The following SOWAHC variants were observed in gnomAD, a reference collection of about 807,000 sequenced individuals.
SOWAHC encodes the protein sosondowah ankyrin repeat domain family member C.
SOWAHC carries 12 observed loss-of-function variants against 14.4 expected under a neutral mutation model. The observed-to-expected ratio is 0.83, with a 90% CI of 0.53 to 1.35. The LOEUF is 1.35. Ranked by LOEUF, SOWAHC falls within the 40% of genes most tolerant of loss-of-function variation. The pLI is 0.00. For synonymous variants in SOWAHC, 398 were observed against 347.0 expected (o/e 1.15, Z -1.63); for missense variants, 771 against 752.8 (o/e 1.02, Z -0.28).
chr2:109,615,043 A>T lies in SOWAHC; in HGVS notation c.554A>T (p.Glu185Val). The T allele has an allele frequency of 6.5e-7, 1 of 1,548,434 alleles. No individual in the cohort carries two copies. The highest frequency in any genetic ancestry group is 8.7e-7 in the Non-Finnish European group (1 of 1,146,610). ...DLELPPHGCE[E>V]ADRGSSLVGA... ...GAGCTCCCGCCACATGGCTGCGAGGAGGCGGACAGGGGCAGCTCCCTTGTG... is the reference window on the plus strand; with the variant it reads ...GAGCTCCCGCCACATGGCTGCGAGGTGGCGGACAGGGGCAGCTCCCTTGTG... Residue 185 changes from glutamate to valine, a missense_variant, in exon 1 of 1, where the codon GAG (glutamate) becomes GTG (valine). Coordinates refer to ENST00000356454, the MANE Select transcript of SOWAHC (RefSeq NM_023016.4).
chr2:109,614,515 C>T lies in SOWAHC; in HGVS notation c.26C>T (p.Pro9Leu), dbSNP rs1699995569. 3 of 1,260,968 alleles carry T rather than the reference C, an allele frequency of 2.4e-6. No homozygotes were observed. Among genetic ancestry groups the T allele is most frequent in the Non-Finnish European group, 3.0e-6 (3 of 1,009,302 alleles). The allele number at this position is 1,260,968 out of a possible 1,614,324, so 78.1% of individuals were successfully genotyped here. MEGPAEWG[P>L]EAALGPEAVL... ...ATGGAGGGGCCGGCAGAGTGGGGCCCCGAGGCGGCGCTGGGCCCCGAGGCG... is the reference window on the plus strand; with the variant it reads ...ATGGAGGGGCCGGCAGAGTGGGGCCTCGAGGCGGCGCTGGGCCCCGAGGCG... Residue 9 changes from proline (P) to leucine (L), a missense_variant, in exon 1 of 1, where the codon CCC becomes CTC. Pro to Leu is a moderately conservative substitution (Grantham distance 98). Transcript: ENST00000356454.
At position 109,618,658 on chromosome 2, in the gene SOWAHC, A is replaced by G. The variant is rs1490566850; in HGVS notation, c.*2591A>G. Reference sequence around the variant, plus strand: ...AAAAGCAAATGATTGATATAATTTGATATTCATAGAGTTGTGCCTACCTTT... The same window carrying G: ...AAAAGCAAATGATTGATATAATTTGGTATTCATAGAGTTGTGCCTACCTTT... On this transcript the variant is annotated 3_prime_UTR_variant, in exon 1 of 1. Transcript: ENST00000356454. 2 of 166,894 alleles carry G rather than the reference A, an allele frequency of 1.2e-5. No individual in the cohort carries two copies. Among genetic ancestry groups the G allele is most frequent in the Non-Finnish European group, 1.5e-5 (1 of 68,092 alleles). 10.3% of individuals were successfully genotyped at this position (166,894 alleles called of 1,614,324 possible).
rs1367782893 is a variant in SOWAHC, at chr2:109,615,269, C to T, written c.780C>T (p.Gly260=). 1 of 1,575,504 alleles carries T rather than the reference C, an allele frequency of 6.3e-7. No individual in the cohort carries two copies. Among genetic ancestry groups the T allele is most frequent in the Non-Finnish European group, 8.6e-7 (1 of 1,161,800 alleles). ...SSAEEESSGG[G]SVTLDPLEHA... is the part of the protein sequence containing the mutation. ...CGGAGGAGGAGAGCAGCGGCGGAGG[C>T]TCCGTGACGCTGGACCCCCTGGAGC... Residue 260 remains glycine, a synonymous_variant, in exon 1 of 1, where the codon GGC becomes GGT. Transcript: ENST00000356454.
Position 109,615,480 on chromosome 2 carries a change from C to T in SOWAHC, c.991C>T (p.Pro331Ser), listed in dbSNP as rs542298770. The T allele has an allele frequency of 1.5e-5, 24 of 1,613,558 alleles. No homozygotes were observed. The South Asian group carries it at 2.4e-4, about 16-fold the overall frequency. The change falls in exon 1 of 1, where the codon CCG becomes TCG. Residue 331 changes from proline to serine, a missense_variant. Pro to Ser is a moderately conservative substitution (Grantham distance 74). Coordinates refer to ENST00000356454, the MANE Select transcript of SOWAHC (RefSeq NM_023016.4). Reference protein sequence around the residue: ...LVNFANKHQLPVNIDARTSGG... With the variant: ...LVNFANKHQLSVNIDARTSGG... Reference sequence around the variant, plus strand: ...CAACTTCGCCAACAAACACCAGCTGCCGGTGAACATCGACGCCAGGACGAG... The same window carrying T: ...CAACTTCGCCAACAAACACCAGCTGTCGGTGAACATCGACGCCAGGACGAG...
rs551084442 is a variant in SOWAHC, at chr2:109,615,629, G to T, written c.1140G>T (p.Gln380His). The stretch of plus-strand genomic sequence containing the variant: ...ACTACAGTGGGAAAAAGGCCTCCCA[G>T]TACCTGAGTCGGAGCATCGCCGAGG... The part of the protein sequence containing the change: ...IRDYSGKKAS[Q>H]YLSRSIAEEI... The change falls in exon 1 of 1, where the codon CAG (glutamine) becomes CAT (histidine). Residue 380 changes from glutamine (Q) to histidine (H), a missense_variant. Coordinates refer to ENST00000356454, the MANE Select transcript of SOWAHC (RefSeq NM_023016.4). 3.1e-6 allele frequency: 5 copies of T among 1,613,678 alleles called. No individual in the cohort carries two copies. The highest frequency in any genetic ancestry group is 4.2e-6 in the Non-Finnish European group (5 of 1,179,716).
rs1479144602 is a variant in SOWAHC, at chr2:109,618,208, G to A, written c.*2141G>A. The stretch of plus-strand genomic sequence containing the variant: ...CCTGGAAGGTGAAAAGTAGTCATTT[G>A]TTCTAAATCTATACATATTACTTGT... On this transcript the variant is annotated 3_prime_UTR_variant, in exon 1 of 1. Transcript: ENST00000356454. The A allele has an allele frequency of 1.8e-5, 3 of 166,830 alleles. No homozygotes were observed. Among genetic ancestry groups the A allele is most frequent in the Non-Finnish European group, 4.4e-5 (3 of 68,100 alleles). The allele number at this position is 166,830 out of a possible 1,614,324, so 10.3% of individuals were successfully genotyped here.
In SOWAHC at chr2:109,618,580, C is replaced by T. The variant is rs567200985; in HGVS notation, c.*2513C>T. On this transcript the variant is annotated 3_prime_UTR_variant, in exon 1 of 1. Transcript: ENST00000356454. The stretch of plus-strand genomic sequence containing the variant: ...GCTTTTGTGCAGTAAGTAGCATTTT[C>T]GGCTACTTAACTTTACATTCCTCTT... 8.4e-5 allele frequency: 14 copies of T among 167,050 alleles called. No homozygotes were observed. The East Asian group carries it at 1.4e-3, about 16-fold the overall frequency. The allele number at this position is 167,050 out of a possible 1,614,324, so 10.3% of individuals were successfully genotyped here.
In SOWAHC at chr2:109,616,464, G is replaced by C. The variant is rs183400209; in HGVS notation, c.*397G>C. The C allele has an allele frequency of 1.8e-3, 301 of 169,076 alleles. 2 individuals carry two copies. The highest frequency in any genetic ancestry group is 7.1e-3 in the African/African-American group (296 of 41,632). 10.5% of individuals were successfully genotyped at this position (169,076 alleles called of 1,614,324 possible). A position where few individuals can be genotyped will look rare whatever the true frequency, so the allele number is the denominator to read the frequency against. On this transcript the variant is annotated 3_prime_UTR_variant, in exon 1 of 1. Coordinates refer to ENST00000356454, the MANE Select transcript of SOWAHC (RefSeq NM_023016.4). ...ATTTTATAAGGGGTTACTCTTTCAA[G>C]AGTAACAAAAAAATGCAAACTGTAA...
At position 109,614,645 on chromosome 2, in the gene SOWAHC, CCGCGCG is replaced by C; in HGVS notation, c.158_163del (p.Arg53_Ala54del). The stretch of plus-strand genomic sequence containing the variant: ...GCGAACCGGAGCAGCGCGCCCGCGC[CCGCGCG>C]CACTTCAAGGAGCTGGTGAACGCCG... On this transcript the variant is annotated inframe_deletion, in exon 1 of 1. Transcript: ENST00000356454. 1.4e-6 allele frequency: 2 copies of C among 1,470,568 alleles called. No homozygotes were observed. Among genetic ancestry groups the C allele is most frequent in the South Asian group, 1.3e-5 (1 of 77,776 alleles). 91.1% of individuals were successfully genotyped at this position (1,470,568 alleles called of 1,614,324 possible). A position where few individuals can be genotyped will look rare whatever the true frequency, so the allele number is the denominator to read the frequency against.
rs1359096546 is a variant in SOWAHC at position 109,615,117 on chromosome 2, A to G, written c.628A>G (p.Met210Val). Residue 210 changes from methionine to valine, a missense_variant, in exon 1 of 1, where the codon ATG (methionine) becomes GTG (valine). Coordinates refer to ENST00000356454, the MANE Select transcript of SOWAHC (RefSeq NM_023016.4). The stretch of plus-strand genomic sequence containing the variant: ...CCGCCAGAACCTCCGTGACCTGGTG[A>G]TGGGCAGCTCCCCGCAGCTGAAGAG... ...PARQNLRDLV[M>V]GSSPQLKRSV... is the part of the protein sequence containing the mutation. The G allele has an allele frequency of 9.7e-6, 15 of 1,549,588 alleles. No individual in the cohort carries two copies. In the South Asian group the frequency reaches 1.7e-4, roughly 17 times the overall value.
At position 109,618,459 on chromosome 2, in the gene SOWAHC, C is replaced by T. The variant is rs553373882; in HGVS notation, c.*2392C>T. On this transcript the variant is annotated 3_prime_UTR_variant, in exon 1 of 1. Transcript: ENST00000356454. ...AATATGTCATTTACCATGGTTTTCC[C>T]ACTGAAGGCTTTAACTTTTCTGATA... 1.6e-3 allele frequency: 271 copies of T among 167,178 alleles called. No individual in the cohort carries two copies. The highest frequency in any genetic ancestry group is 3.1e-3 in the Non-Finnish European group (214 of 68,112). 10.4% of individuals were successfully genotyped at this position (167,178 alleles called of 1,614,324 possible). A position where few individuals can be genotyped will look rare whatever the true frequency, so the allele number is the denominator to read the frequency against.
rs1368644495 is a variant in SOWAHC at position 109,615,160 on chromosome 2, GC to G, written c.672del (p.Ser225AlafsTer38). Reference protein sequence around the residue: ...PQLKRSVCPGGSSPGSSSGGG... With the variant: ...PQLKRSVCPGXSSPGSSSGGG... ...CTGAAGAGGAGCGTGTGTCCCGGGG[GC>G]AGCAGCCCGGGCAGCTCCTCCGGGG... On this transcript the variant is annotated frameshift_variant, in exon 1 of 1. Coordinates refer to ENST00000356454, the MANE Select transcript of SOWAHC (RefSeq NM_023016.4). LOFTEE classifies it low-confidence loss of function (END_TRUNC). 8.4e-6 allele frequency: 13 copies of G among 1,549,130 alleles called. No individual in the cohort carries two copies. Among genetic ancestry groups the G allele is most frequent in the Non-Finnish European group, 1.1e-5 (13 of 1,146,770 alleles).
Position 109,615,946 on chromosome 2 carries a change from C to A in SOWAHC, c.1457C>A (p.Pro486His). 3.1e-6 allele frequency: 5 copies of A among 1,596,358 alleles called. No homozygotes were observed. The highest frequency in any genetic ancestry group is 3.4e-4 in the Middle Eastern group (2 of 5,960). The change falls in exon 1 of 1, where the codon CCC becomes CAC. Residue 486 changes from proline to histidine, a missense_variant. Physicochemically the swap from Pro to His is moderately conservative, Grantham distance 77. Coordinates refer to ENST00000356454, the MANE Select transcript of SOWAHC (RefSeq NM_023016.4). ...AGAACCCAGATCGTCCACACCACAC[C>A]CTCTTTCAGGGACCCAGAGCAGCCG... ...RFRTQIVHTT[P>H]SFRDPEQPLE...
In SOWAHC at chr2:109,615,949, C is replaced by G. The variant is rs2106438053; in HGVS notation, c.1460C>G (p.Ser487Cys). ...ACCCAGATCGTCCACACCACACCCT[C>G]TTTCAGGGACCCAGAGCAGCCGCTG... ...FRTQIVHTTP[S>C]FRDPEQPLEG... The change falls in exon 1 of 1, where the codon TCT becomes TGT. Residue 487 changes from serine (S) to cysteine (C), a missense_variant. Ser to Cys is a moderately radical substitution (Grantham distance 112). Coordinates refer to ENST00000356454, the MANE Select transcript of SOWAHC (RefSeq NM_023016.4). 1 of 1,594,616 alleles carries G rather than the reference C, an allele frequency of 6.3e-7. No homozygotes were observed. The highest frequency in any genetic ancestry group is 1.2e-5 in the South Asian group (1 of 86,822).
In SOWAHC at chr2:109,616,062, G is replaced by C; in HGVS notation, c.1573G>C (p.Gly525Arg). The change falls in exon 1 of 1, where the codon GGG becomes CGG. Residue 525 changes from glycine (G) to arginine (R), a missense_variant. Coordinates refer to ENST00000356454, the MANE Select transcript of SOWAHC (RefSeq NM_023016.4). ...FTLRPKSNVF[G>R] ...ATTGAGACCAAAGTCCAATGTATTT[G>C]GGTAAAAATTGCTTCTTTTAGAAAA... 6.7e-7 allele frequency: 1 copy of C among 1,500,528 alleles called. No individual in the cohort carries two copies. Among genetic ancestry groups the C allele is most frequent in the Non-Finnish European group, 8.9e-7 (1 of 1,126,178 alleles). The allele number at this position is 1,500,528 out of a possible 1,614,324, so 93.0% of individuals were successfully genotyped here.
In SOWAHC at chr2:109,617,319, A is replaced by G. The variant is rs1026846810; in HGVS notation, c.*1252A>G. Reference sequence around the variant, plus strand: ...ATAGAGAAGAGATGGGACTATTTCTATATTTAAATGCTGCTGGCTATTCCT... The same window carrying G: ...ATAGAGAAGAGATGGGACTATTTCTGTATTTAAATGCTGCTGGCTATTCCT... On this transcript the variant is annotated 3_prime_UTR_variant, in exon 1 of 1. Coordinates refer to ENST00000356454, the MANE Select transcript of SOWAHC (RefSeq NM_023016.4). The G allele has an allele frequency of 1.2e-5, 2 of 167,090 alleles. No homozygotes were observed. The highest frequency in any genetic ancestry group is 4.8e-5 in the African/African-American group (2 of 41,468). The allele number at this position is 167,090 out of a possible 1,614,324, so 10.4% of individuals were successfully genotyped here.
rs924279278 is a variant in SOWAHC, at chr2:109,618,449, A to G, written c.*2382A>G. ...AGATTGAGTCAATATGTCATTTACCATGGTTTTCCCACTGAAGGCTTTAAC... is the reference window on the plus strand; with the variant it reads ...AGATTGAGTCAATATGTCATTTACCGTGGTTTTCCCACTGAAGGCTTTAAC... On this transcript the variant is annotated 3_prime_UTR_variant, in exon 1 of 1. Transcript: ENST00000356454. 2 of 167,216 alleles carry G rather than the reference A, an allele frequency of 1.2e-5. No individual in the cohort carries two copies. The highest frequency in any genetic ancestry group is 6.5e-5 in the Admixed American group (1 of 15,300). The allele number at this position is 167,216 out of a possible 1,614,324, so 10.4% of individuals were successfully genotyped here. A position where few individuals can be genotyped will look rare whatever the true frequency, so the allele number is the denominator to read the frequency against.
At position 109,617,854 on chromosome 2, in the gene SOWAHC, A is replaced by G. The variant is rs1265373412; in HGVS notation, c.*1787A>G. The G allele has an allele frequency of 1.3e-5, 2 of 159,180 alleles. No homozygotes were observed. The highest frequency in any genetic ancestry group is 2.9e-5 in the Non-Finnish European group (2 of 68,064). The allele number at this position is 159,180 out of a possible 1,614,324, so 9.9% of individuals were successfully genotyped here. A position where few individuals can be genotyped will look rare whatever the true frequency, so the allele number is the denominator to read the frequency against. On this transcript the variant is annotated 3_prime_UTR_variant, in exon 1 of 1. Coordinates refer to ENST00000356454, the MANE Select transcript of SOWAHC (RefSeq NM_023016.4). ...GCCAACATGGTGAAAACCTGTCTCTACTAAAAATACAAAAATTAGCCGAGC... is the reference window on the plus strand; with the variant it reads ...GCCAACATGGTGAAAACCTGTCTCTGCTAAAAATACAAAAATTAGCCGAGC...
chr2:109,615,928 A>T lies in SOWAHC; in HGVS notation c.1439A>T (p.Gln480Leu). 6.2e-7 allele frequency: 1 copy of T among 1,606,852 alleles called. No homozygotes were observed. The highest frequency in any genetic ancestry group is 8.5e-7 in the Non-Finnish European group (1 of 1,176,480). Residue 480 changes from glutamine to leucine, a missense_variant, in exon 1 of 1, where the codon CAG becomes CTG. Coordinates refer to ENST00000356454, the MANE Select transcript of SOWAHC (RefSeq NM_023016.4). ...CTCAACAAAATCCGATTCAGAACCC[A>T]GATCGTCCACACCACACCCTCTTTC... Reference protein sequence around the residue: ...PRLNKIRFRTQIVHTTPSFRD... With the variant: ...PRLNKIRFRTLIVHTTPSFRD...
Sources: gnomAD v4.1 joint callset for allele counts on GRCh38, gnomAD v4.1.1 for gene constraint, MANE v1.5 for transcripts, NCBI Gene and HGNC (gene_info 2026-07-23, HGNC 2026-07-21) for gene names.